DCDC2C: variants seen among roughly 807,000 people sequenced by gnomAD.
The protein encoded by DCDC2C is doublecortin domain containing 2C.
Under a neutral mutation model 45.0 loss-of-function variants are expected in DCDC2C, and 44 were observed. That is an observed-to-expected ratio of 0.98 (90% CI 0.77 to 1.26). The LOEUF (loss-of-function observed/expected upper bound fraction) is 1.26, where lower values mean the gene tolerates loss of function less well. Ranked by LOEUF, DCDC2C falls within the 50% of genes most tolerant of loss-of-function variation. The pLI is 0.00. For synonymous variants in DCDC2C, 187 were observed against 178.8 expected (o/e 1.05, Z -0.37); for missense variants, 447 against 468.9 (o/e 0.95, Z 0.43).
At chr2:3,764,135 G>A (rs1281450370) in intron 6 of DCDC2C, among the ~76,000 whole-genome samples, 1 of 152,200 alleles carries the variant, frequency 6.6e-6, no homozygotes, top group African/African-American at 2.4e-5. Flanking sequence ...CAACTAGAAA[G>A]ATGTAGTCTC....
At chr2:3,778,590 A>G (rs971201769) in intron 8 of DCDC2C, among the ~76,000 whole-genome samples, 7 of 152,132 alleles carry the variant, frequency 4.6e-5, no homozygotes, top group Non-Finnish European at 1.0e-4. Flanking sequence ...ACTCCTTAGA[A>G]GAAAGAGGTT....
chr2:3,810,042 T>G (rs1671355171), intron 10 of DCDC2C, among the ~76,000 whole-genome samples: 1 of 152,246 alleles, frequency 6.6e-6, no homozygotes, highest in African/African-American at 2.4e-5. Flanking sequence ...TAAATAGTGC[T>G]GCAATAAACA....
At chr2:3,769,503 A>T (rs1670107764) in intron 8 of DCDC2C, 92 bp downstream of exon 8, 1 of 1,133,280 alleles carries the variant, frequency 8.8e-7, no homozygotes, top group Admixed American at 2.0e-5. Context: ...TCTCCCTGCA[A>T]ATTCTCTCTG....
chr2:3,838,770 T>C (rs781777607), intron 10 of DCDC2C, among the ~76,000 whole-genome samples: 12 of 152,168 alleles, frequency 7.9e-5, no homozygotes, highest in Admixed American at 1.3e-4. Flanking sequence ...CACTCTGAAG[T>C]ATGTCTTAGA....
chr2:3,845,973 T>C (rs542937989), intron 10 of DCDC2C, among the ~76,000 whole-genome samples: 27 of 152,256 alleles, frequency 1.8e-4, no homozygotes, highest in African/African-American at 5.8e-4. Context: ...AATTTAGAGA[T>C]CACAGAATTC....
At chr2:3,826,390 A>T (rs1671816333) in intron 10 of DCDC2C, among the ~76,000 whole-genome samples, 1 of 152,206 alleles carries the variant, frequency 6.6e-6, no homozygotes, top group South Asian at 2.1e-4. Flanking sequence ...GGTGTAACAT[A>T]TTAGCCATAA....
intron 10 of DCDC2C, among the ~76,000 whole-genome samples, chr2:3,809,303 T>C (rs983339544): frequency 2.1e-4 from 32 of 152,224 alleles, no homozygotes; most frequent in African/African-American, 7.7e-4. Context: ...TGGGATTCCA[T>C]TGATCTATAG....
At chr2:3,797,777 G>C (rs1322788523) in intron 10 of DCDC2C, among the ~76,000 whole-genome samples, 1 of 151,804 alleles carries the variant, frequency 6.6e-6, no homozygotes, top group East Asian at 1.9e-4. Context: ...GCTGAGGAGA[G>C]CTTTACTTCC....
chr2:3,760,015 G>C (rs1239535177), intron 6 of DCDC2C, among the ~76,000 whole-genome samples: 1 of 152,216 alleles, frequency 6.6e-6, no homozygotes, highest in Non-Finnish European at 1.5e-5. Context: ...TAACATTCGA[G>C]TGGCTTGACT....
At chr2:3,811,489 T>C (rs1456535186) in intron 10 of DCDC2C, among the ~76,000 whole-genome samples, 1 of 152,194 alleles carries the variant, frequency 6.6e-6, no homozygotes, top group Non-Finnish European at 1.5e-5. Flanking sequence ...GCTGAGATGA[T>C]GGGGTTTTCT....
intron 10 of DCDC2C, among the ~76,000 whole-genome samples, chr2:3,826,434 G>T (rs1443551121): frequency 1.3e-5 from 2 of 152,110 alleles, no homozygotes; most frequent in South Asian, 2.1e-4. Context: ...AGTATTAATT[G>T]ATATAATGCT....
intron 2 of DCDC2C, among the ~76,000 whole-genome samples, chr2:3,724,821 G>A (rs1668593006): frequency 6.6e-6 from 1 of 152,174 alleles, no homozygotes; most frequent in African/African-American, 2.4e-5. Context: ...GTGGGCAAGT[G>A]GGTAGGCAGC....
intron 6 of DCDC2C, among the ~76,000 whole-genome samples, chr2:3,760,849 A>AC (rs1669861323): frequency 6.6e-6 from 1 of 151,790 alleles, no homozygotes; most frequent in East Asian, 1.9e-4. Flanking sequence ...GTAAAATAAA[A>AC]AAAAAGCCCA....
intron 9 of DCDC2C, among the ~76,000 whole-genome samples, chr2:3,779,367 G>A (rs1670446062): frequency 6.6e-6 from 1 of 152,204 alleles, no homozygotes; most frequent in Non-Finnish European, 1.5e-5. Flanking sequence ...AGCGCAGGAC[G>A]CTTGGCAGTG....
chr2:3,708,631 G>C (rs1458479361), intron 2 of DCDC2C, 31 bp downstream of exon 2: 6 of 1,510,414 alleles, frequency 4.0e-6, no homozygotes, highest in Non-Finnish European at 5.4e-6. Flanking sequence ...ACTAATAATG[G>C]AATAAATTGG....
chr2:3,737,234 C>A (rs1669056334), intron 3 of DCDC2C, among the ~76,000 whole-genome samples: 1 of 152,126 alleles, frequency 6.6e-6, no homozygotes, highest in Non-Finnish European at 1.5e-5. Context: ...TAGAATCAGC[C>A]CCGAAGACCA....
chr2:3,818,324 G>A lies in DCDC2C; in HGVS notation c.1066-28830G>A, dbSNP rs1671604435. 2.0e-5 allele frequency among the ~76,000 whole-genome samples: 3 copies of A among 152,182 alleles called. No homozygotes were observed. The South Asian group carries it at 6.2e-4, about 32-fold the overall frequency. On this transcript the variant is annotated intron_variant, in intron 10 of 10. Transcript: ENST00000399143. This position sits in a 1 kb window ranked among gnomAD's most constrained non-coding sequence, Gnocchi z 4.7. ...GGTGTCAGGGTCTGTCCAAGTGAAA[G>A]CGAAGAGAGGCTGGGATGAAGGGTG...
chr2:3,785,791 C>T (rs6736727), intron 10 of DCDC2C, among the ~76,000 whole-genome samples: 3,108 of 152,250 alleles, frequency 0.02, 97 homozygotes, highest in African/African-American at 0.071. Context: ...CTCAGCACTC[C>T]GCAAAGGACG....
At chr2:3,715,564 A>G (rs1668328543) in intron 2 of DCDC2C, among the ~76,000 whole-genome samples, 2 of 151,748 alleles carry the variant, frequency 1.3e-5, no homozygotes, top group Admixed American at 6.6e-5. Flanking sequence ...GCTCATCACA[A>G]CATCCTAAAC....
Sources: gnomAD v4.1 joint callset for allele counts (sites outside exome capture counted in the v4.1 genomes callset) on GRCh38, gnomAD v4.1.1 for gene constraint, Gnocchi (gnomAD v3.1) non-coding constraint, MANE v1.5 for transcripts, NCBI Gene and HGNC (gene_info 2026-07-23, HGNC 2026-07-21) for gene names.